Variants in CXorf38 observed in about 807,000 individuals in gnomAD.
The protein encoded by CXorf38 is chromosome X open reading frame 38, also known as uncharacterized protein CXorf38.
In CXorf38, 13 loss-of-function variants were observed where a neutral mutation model predicts 27.5. The observed-to-expected ratio is 0.47, with a 90% confidence interval of 0.31 to 0.75. The LOEUF is 0.75. Ranked by LOEUF, CXorf38 falls within the 30% of genes least tolerant of loss-of-function variation. The probability of loss-of-function intolerance (pLI) is 0.05; values close to 1 mark genes in which losing one functional copy is unlikely to be tolerated. For synonymous variants in CXorf38, 100 were observed against 99.8 expected, an observed-to-expected ratio of 1.00 and a Z score of -0.01; for missense variants, 240 against 253.2, an observed-to-expected ratio of 0.95 and a Z score of 0.35.
chrX:40,636,614 A>T lies in CXorf38; in HGVS notation c.720T>A (p.Asn240Lys). 8.3e-7 allele frequency: 1 copy of T among 1,203,798 alleles called. No individual in the cohort carries two copies. The highest frequency in any genetic ancestry group is 1.1e-6 in the Non-Finnish European group (1 of 889,758). Reference protein sequence around the residue: ...MGTYLSESQVNEIEMQLLKEK... With the variant: ...MGTYLSESQVKEIEMQLLKEK... ...CCTTTAGTAACTGCATTTCTATTTCATTGACTTGGCTCTCACTCAGGTAAG... is the reference window on the plus strand; with the variant it reads ...CCTTTAGTAACTGCATTTCTATTTCTTTGACTTGGCTCTCACTCAGGTAAG... Residue 240 changes from asparagine to lysine, a missense_variant, in exon 5 of 7, where the codon AAT becomes AAA. By Grantham distance (94) the Asn-to-Lys change is moderately conservative (BLOSUM62 0). Transcript: ENST00000327877.
At chrX:40,641,492 A>T (rs1486141798) in intron 2 of CXorf38, among the ~76,000 whole-genome samples, 2 of 111,239 alleles carry the variant, frequency 1.8e-5, no homozygotes, top group Non-Finnish European at 3.8e-5. Flanking sequence ...GGCTCAAATG[A>T]TCCTCCCAAC....
intron 2 of CXorf38, among the ~76,000 whole-genome samples, chrX:40,644,996 G>C (rs1463751157): frequency 9.0e-6 from 1 of 111,361 alleles, no homozygotes; most frequent in African/African-American, 3.3e-5. Flanking sequence ...GGCAAGTTCA[G>C]AGAAAGGAGA....
chrX:40,642,086 GC>G (rs1261360237), intron 2 of CXorf38, among the ~76,000 whole-genome samples: 1 of 111,441 alleles, frequency 9.0e-6, no homozygotes, highest in Non-Finnish European at 1.9e-5. Context: ...AGCAGCAGAG[GC>G]CTGGTAGGAG....
At chrX:40,633,817 G>A (rs184289668) in intron 5 of CXorf38, among the ~76,000 whole-genome samples, 1 of 111,462 alleles carries the variant, frequency 9.0e-6, no homozygotes, top group Non-Finnish European at 1.9e-5. Context: ...GCCACTAACT[G>A]TGCTCAATGT....
rs143414300 is a variant in CXorf38, at chrX:40,647,079, G to A, written c.279C>T (p.Asn93=). 553 of 1,210,949 alleles carry A rather than the reference G, an allele frequency of 4.6e-4. 3 individuals carry two copies. The African/African-American group carries it at 8.6e-3, about 19-fold the overall frequency. The change falls in exon 2 of 7, where the codon AAC becomes AAT. Residue 93 remains asparagine, a synonymous_variant. Transcript: ENST00000327877. ...TTCCCCAGTGCACATCTCCATTTCT[G>A]TTGACATGATGTCTCAAAATCTCCC... ...WKREILRHHV[N]RNGDVHWGNC...
intron 6 of CXorf38, chrX:40,630,402 A>G (rs1353494612): frequency 2.9e-6 from 1 of 341,694 alleles, no homozygotes; most frequent in East Asian, 4.5e-5. Context: ...GTATTTGGCT[A>G]AACAGGGAGT....
chrX:40,633,688 T>C (rs1045071132), intron 5 of CXorf38, among the ~76,000 whole-genome samples: 14 of 112,154 alleles, frequency 1.2e-4, no homozygotes, highest in Non-Finnish European at 2.3e-4. Context: ...GAGTACACAC[T>C]GTCATCGTCC....
intron 5 of CXorf38, among the ~76,000 whole-genome samples, chrX:40,636,157 G>A (rs1928056565): frequency 1.8e-5 from 2 of 112,228 alleles, no homozygotes; most frequent in Admixed American, 9.4e-5. Context: ...TTTTTCTCTT[G>A]CCAATTTGTC....
chrX:40,637,719 A>G (rs1347226911), intron 3 of CXorf38, among the ~76,000 whole-genome samples: 2 of 112,279 alleles, frequency 1.8e-5, no homozygotes, highest in Non-Finnish European at 3.8e-5. Context: ...ACATGACAAT[A>G]AGCCAGATTA....
At chrX:40,639,214 A>G in intron 2 of CXorf38, 86 bp from the exon 3 acceptor site, 2 of 1,013,396 alleles carry the variant, frequency 2.0e-6, no homozygotes, top group East Asian at 6.2e-5. Flanking sequence ...TATTTTCCAA[A>G]TGATGACTGA....
chrX:40,631,694 C>G (rs1406856873), intron 5 of CXorf38, among the ~76,000 whole-genome samples: 1 of 112,176 alleles, frequency 8.9e-6, no homozygotes, highest in Non-Finnish European at 1.9e-5. Context: ...GCACCCTGCC[C>G]TAAGAGAGCA....
At chrX:40,633,348 C>G (rs1458805087) in intron 5 of CXorf38, among the ~76,000 whole-genome samples, 2 of 110,788 alleles carry the variant, frequency 1.8e-5, no homozygotes, top group Non-Finnish European at 1.9e-5. Flanking sequence ...GGCTAATCCT[C>G]ACCTCCTTCA....
intron 2 of CXorf38, among the ~76,000 whole-genome samples, chrX:40,645,542 T>C (rs762528131): frequency 9.0e-6 from 1 of 110,936 alleles, no homozygotes; most frequent in South Asian, 3.8e-4. Context: ...ATGGCTGCAG[T>C]GGAAAAAAAT....
chrX:40,646,784 G>A (rs750988665), intron 2 of CXorf38, among the ~76,000 whole-genome samples: 1 of 111,329 alleles, frequency 9.0e-6, no homozygotes, highest in East Asian at 2.8e-4. Flanking sequence ...CCAAGCAGGG[G>A]TAACAAACTC....
intron 2 of CXorf38, chrX:40,640,339 G>A (rs1210995941): frequency 3.4e-5 from 8 of 238,573 alleles, no homozygotes; most frequent in Middle Eastern, 7.6e-4. Flanking sequence ...AAACAAAAAC[G>A]AAAACAAAAA....
chrX:40,637,003 T>C lies in CXorf38; in HGVS notation c.621+4A>G. 1 of 1,179,370 alleles carries C rather than the reference T, an allele frequency of 8.5e-7. No homozygotes were observed. Among genetic ancestry groups the C allele is most frequent in the Non-Finnish European group, 1.1e-6 (1 of 878,321 alleles). On this transcript the variant is annotated splice_donor_region_variant and intron_variant, in intron 4 of 6. Coordinates refer to ENST00000327877, the MANE Select transcript of CXorf38 (RefSeq NM_144970.3). ...ATGCCAGAACTATTAAACATGATTT[T>C]TACCTGTTCTATTCTGGAGTATACT...
At chrX:40,636,282 T>C (rs1928060408) in intron 5 of CXorf38, among the ~76,000 whole-genome samples, 1 of 112,725 alleles carries the variant, frequency 8.9e-6, no homozygotes, top group African/African-American at 3.2e-5. Context: ...CAGAATTCTA[T>C]TGTAGCCTTT....
chrX:40,636,944 G>C (rs1056154373), intron 4 of CXorf38, 63 bp downstream of exon 4: 3 of 1,003,956 alleles, frequency 3.0e-6, no homozygotes, highest in Non-Finnish European at 4.1e-6. Context: ...TTCTAAATGT[G>C]TGGCTGTTGT....
intron 3 of CXorf38, 40 bp from the exon 4 acceptor site, chrX:40,637,196 C>T: frequency 9.9e-7 from 1 of 1,005,677 alleles, no homozygotes; most frequent in Non-Finnish European, 1.3e-6. Context: ...CAAAATCAAA[C>T]AATGGGGTAA....
Sources: allele counts gnomAD v4.1 joint callset (sites outside exome capture counted in the v4.1 genomes callset), GRCh38; gene constraint gnomAD v4.1.1; transcripts MANE v1.5; gene names NCBI Gene and HGNC (gene_info 2026-07-23, HGNC 2026-07-21).